Variants in MAGI2 observed in about 807,000 individuals in gnomAD.
MAGI2 encodes membrane associated guanylate kinase, WW and PDZ domain containing 2.
Under a neutral mutation model 133.3 loss-of-function variants are expected in MAGI2, and 35 were observed. That is an observed-to-expected ratio of 0.26 (90% CI 0.20 to 0.35). The LOEUF is 0.35. MAGI2 is among the 10% of genes least tolerant of loss of function. The probability of loss-of-function intolerance (pLI) is 1.00; values close to 1 mark genes in which losing one functional copy is unlikely to be tolerated. For missense variants in MAGI2, 1,636 were observed against 1,863.4 expected, an observed-to-expected ratio of 0.88 and a Z score of 2.25; for synonymous variants, 729 against 710.6, an observed-to-expected ratio of 1.03 and a Z score of -0.41.
intron 2 of MAGI2, among the ~76,000 whole-genome samples, chr7:78,758,259 A>G (rs1199445002): frequency 6.6e-6 from 1 of 151,536 alleles, no homozygotes; most frequent in African/African-American, 2.4e-5. Context: ...CTCATACAAG[A>G]CAGGGTTTTT....
At chr7:79,366,606 T>C (rs1842723598) in intron 1 of MAGI2, among the ~76,000 whole-genome samples, 1 of 152,206 alleles carries the variant, frequency 6.6e-6, no homozygotes, top group African/African-American at 2.4e-5. Flanking sequence ...ATTGCATCAA[T>C]GTCAGTATCT....
chr7:78,888,181 G>A (rs1475738889), intron 2 of MAGI2, among the ~76,000 whole-genome samples: 3 of 152,204 alleles, frequency 2.0e-5, no homozygotes, highest in South Asian at 4.1e-4. Flanking sequence ...AAGGCTGGGG[G>A]AGGGGCGCCC....
chr7:79,426,370 C>G (rs1227451206), intron 1 of MAGI2, among the ~76,000 whole-genome samples: 1 of 152,042 alleles, frequency 6.6e-6, no homozygotes, highest in Non-Finnish European at 1.5e-5. Flanking sequence ...GCATTTTCAT[C>G]AAAGAACTTC....
intron 1 of MAGI2, among the ~76,000 whole-genome samples, chr7:79,345,627 C>A (rs138313146): frequency 7.4e-4 from 112 of 152,044 alleles, no homozygotes; most frequent in African/African-American, 2.6e-3. Context: ...TTGAGAAATT[C>A]TCATAATACT....
chr7:78,730,688 C>T (rs1821284741), intron 2 of MAGI2, among the ~76,000 whole-genome samples: 4 of 152,062 alleles, frequency 2.6e-5, no homozygotes, highest in Admixed American at 2.6e-4. Flanking sequence ...TAAGGCAATA[C>T]ATTAAAACAA....
At chr7:78,226,564 T>C (rs1356311437) in intron 10 of MAGI2, among the ~76,000 whole-genome samples, 1 of 152,230 alleles carries the variant, frequency 6.6e-6, no homozygotes, top group Admixed American at 6.5e-5. Context: ...AGTCCAACCC[T>C]GGTAATTGCC....
intron 9 of MAGI2, among the ~76,000 whole-genome samples, chr7:78,300,448 C>A (rs1183677814): frequency 2.0e-5 from 3 of 152,086 alleles, no homozygotes; most frequent in Admixed American, 6.5e-5. Context: ...AAAGCACCAC[C>A]ATAAACAACG....
At chr7:79,262,517 A>T (rs1335137298) in intron 1 of MAGI2, among the ~76,000 whole-genome samples, 1 of 152,250 alleles carries the variant, frequency 6.6e-6, no homozygotes, top group African/African-American at 2.4e-5. Flanking sequence ...AAGGACTAAC[A>T]GTTTTATCAT....
chr7:78,438,376 G>GCACTCTACATCATC lies in MAGI2; in HGVS notation c.1045+51371_1045+51384dup, dbSNP rs1787264289. ...ATTGGTGACAAGTTTGTGTGTTTAGGCACTCTACATCATCTCCCAAATCAG... is the reference window on the plus strand; with the variant it reads ...ATTGGTGACAAGTTTGTGTGTTTAGGCACTCTACATCATCCACTCTACATCATCTCCCAAATCAG... On this transcript the variant is annotated intron_variant, in intron 6 of 21. Coordinates refer to ENST00000354212, the MANE Select transcript of MAGI2 (RefSeq NM_012301.4). 2.0e-5 allele frequency among the ~76,000 whole-genome samples: 3 copies of GCACTCTACATCATC among 152,180 alleles called. No individual in the cohort carries two copies. In the South Asian group the frequency reaches 6.2e-4, roughly 32 times the overall value.
intron 15 of MAGI2, among the ~76,000 whole-genome samples, chr7:78,166,244 G>A (rs910337024): frequency 6.6e-6 from 1 of 152,190 alleles, no homozygotes; most frequent in East Asian, 1.9e-4. Context: ...GACAAGGGGA[G>A]CATGAAATTA....
intron 2 of MAGI2, among the ~76,000 whole-genome samples, chr7:78,739,266 T>G (rs928786623): frequency 6.6e-6 from 1 of 152,140 alleles, no homozygotes; most frequent in African/African-American, 2.4e-5. Flanking sequence ...AAAAAACATC[T>G]CTGGCCAAAG....
chr7:78,614,782 T>C (rs1806893398), intron 3 of MAGI2: 1 of 152,208 alleles, frequency 6.6e-6, no homozygotes, highest in Non-Finnish European at 1.5e-5. Context: ...ATTACATTTG[T>C]CTGGCATTTT....
chr7:79,100,971 TATTA>T (rs1817923332), intron 1 of MAGI2, among the ~76,000 whole-genome samples: 1 of 152,098 alleles, frequency 6.6e-6, no homozygotes, highest in Non-Finnish European at 1.5e-5. Context: ...TTTTATCATA[TATTA>T]ATTATGTTAC....
At chr7:78,656,725 CATT>C (rs1213638314) in intron 2 of MAGI2, among the ~76,000 whole-genome samples, 2 of 152,148 alleles carry the variant, frequency 1.3e-5, no homozygotes, top group East Asian at 3.9e-4. Context: ...TATATCAAAA[CATT>C]ATACACCTAA....
intron 14 of MAGI2, among the ~76,000 whole-genome samples, chr7:78,171,486 G>T (rs186275785): frequency 4.6e-4 from 70 of 152,322 alleles, no homozygotes; most frequent in Non-Finnish European, 6.5e-4. Flanking sequence ...GCTCCCAGGA[G>T]TTGAATGCTG....
intron 2 of MAGI2, among the ~76,000 whole-genome samples, chr7:78,799,247 A>G (rs899764585): frequency 1.3e-5 from 2 of 152,184 alleles, no homozygotes; most frequent in Admixed American, 6.6e-5. Flanking sequence ...AAGGGGCTGT[A>G]TATGACTATT....
intron 2 of MAGI2, among the ~76,000 whole-genome samples, chr7:78,690,190 A>G (rs1816807509): frequency 1.3e-5 from 2 of 152,212 alleles, no homozygotes; most frequent in Non-Finnish European, 2.9e-5. Flanking sequence ...AAAATTCTAT[A>G]CAATTTTAAT....
intron 1 of MAGI2, among the ~76,000 whole-genome samples, chr7:79,380,213 C>T (rs1402046419): frequency 6.6e-6 from 1 of 151,816 alleles, no homozygotes; most frequent in Non-Finnish European, 1.5e-5. Flanking sequence ...AACAGGCAAC[C>T]TACAGAATGG....
At chr7:79,083,321 A>G (rs1816217318) in intron 1 of MAGI2, among the ~76,000 whole-genome samples, 1 of 141,182 alleles carries the variant, frequency 7.1e-6, no homozygotes, top group South Asian at 2.2e-4. Context: ...TTTTTTTTTC[A>G]TAGATGGGCT....
Sources: allele counts gnomAD v4.1 joint callset (sites outside exome capture counted in the v4.1 genomes callset), GRCh38; gene constraint gnomAD v4.1.1; transcripts MANE v1.5; gene names NCBI Gene and HGNC (gene_info 2026-07-23, HGNC 2026-07-21).